The following FSTL4 variants were observed in gnomAD, a reference collection of about 807,000 sequenced individuals.
FSTL4 encodes the protein follistatin-related protein 4.
In FSTL4, 28 loss-of-function variants were observed where a neutral mutation model predicts 78.2. The observed-to-expected ratio is 0.36, with a 90% CI of 0.27 to 0.49. FSTL4 has a LOEUF of 0.49. Ranked by LOEUF, FSTL4 falls within the 20% of genes least tolerant of loss-of-function variation. FSTL4 has a pLI of 0.98. For missense variants in FSTL4, 922 were observed against 1,084.9 expected, an observed-to-expected ratio of 0.85 and a Z score of 2.11; for synonymous variants, 422 against 440.5, an observed-to-expected ratio of 0.96 and a Z score of 0.53.
Position 133,225,364 on chromosome 5 carries a change from T to G in FSTL4, c.1178-80A>C. 6 of 1,561,552 alleles carry G rather than the reference T, an allele frequency of 3.8e-6. No homozygotes were observed. The South Asian group carries it at 6.7e-5, about 17-fold the overall frequency. On this transcript the variant is annotated intron_variant, in intron 9 of 15. Coordinates refer to ENST00000265342, the MANE Select transcript of FSTL4 (RefSeq NM_015082.2). The surrounding 1 kb of genome is among the most constrained non-coding windows in gnomAD (Gnocchi z 4.6). ...TCCTTTATGGGGCCATTGAGAGTGTTAGGGCTGCCCAGCCCCTGGGCAGCC... is the reference window on the plus strand; with the variant it reads ...TCCTTTATGGGGCCATTGAGAGTGTGAGGGCTGCCCAGCCCCTGGGCAGCC...
At chr5:133,690,243 A>G in the FSTL4 span, among the ~76,000 whole-genome samples, 1 of 152,080 alleles carries the variant, frequency 6.6e-6, no homozygotes. Flanking sequence ...TAATAAGATC[A>G]GACATAGATC....
At chr5:133,438,045 G>T (rs1312726488) in intron 3 of FSTL4, among the ~76,000 whole-genome samples, 1 of 151,962 alleles carries the variant, frequency 6.6e-6, no homozygotes, top group Non-Finnish European at 1.5e-5. Flanking sequence ...GACTTGTTTG[G>T]AATCTCATGG....
At chr5:133,803,769 ACTGT>A in the FSTL4 span, among the ~76,000 whole-genome samples, 1 of 152,172 alleles carries the variant, frequency 6.6e-6, no homozygotes, top group African/African-American at 2.4e-5. Context: ...CTCATGCCAA[ACTGT>A]CTGTTGTCTA....
At chr5:133,629,113 A>C in the FSTL4 span, among the ~76,000 whole-genome samples, 1 of 150,866 alleles carries the variant, frequency 6.6e-6, no homozygotes, top group Admixed American at 6.6e-5. Context: ...TGGGTTTTTC[A>C]TAAATAGTTC....
chr5:133,760,199 G>A, the FSTL4 span, among the ~76,000 whole-genome samples: 699 of 152,318 alleles, frequency 4.6e-3, 5 homozygotes, highest in African/African-American at 0.016. Context: ...CACCAGAATG[G>A]CCAGCCTTGA....
the FSTL4 span, among the ~76,000 whole-genome samples, chr5:133,734,539 T>A: frequency 2.0e-5 from 3 of 152,336 alleles, no homozygotes; most frequent in East Asian, 5.8e-4. Flanking sequence ...AAAATTTTGA[T>A]GACTTAAAAT....
At chr5:133,496,101 C>T (rs1758362590) in intron 3 of FSTL4, among the ~76,000 whole-genome samples, 1 of 152,136 alleles carries the variant, frequency 6.6e-6, no homozygotes, top group Admixed American at 6.5e-5. Flanking sequence ...CCTGAGATTC[C>T]ATCCTCCGAT....
At chr5:133,238,336 G>T (rs1751722178) in intron 7 of FSTL4, among the ~76,000 whole-genome samples, 1 of 152,128 alleles carries the variant, frequency 6.6e-6, no homozygotes, top group East Asian at 1.9e-4. Context: ...AGGGAGCAAA[G>T]GGGGGGTCTC....
At chr5:133,649,950 G>C in the FSTL4 span, among the ~76,000 whole-genome samples, 253 of 152,182 alleles carry the variant, frequency 1.7e-3, no homozygotes, top group African/African-American at 6.0e-3. Context: ...GGTTTATTTG[G>C]CTCACAGTTC....
the FSTL4 span, among the ~76,000 whole-genome samples, chr5:133,815,386 C>G: frequency 6.6e-6 from 1 of 152,208 alleles, no homozygotes; most frequent in Non-Finnish European, 1.5e-5. Flanking sequence ...GAGGTCTGGA[C>G]AATGCCTCCT....
At chr5:133,773,699 T>C in the FSTL4 span, among the ~76,000 whole-genome samples, 6 of 152,192 alleles carry the variant, frequency 3.9e-5, no homozygotes, top group East Asian at 1.2e-3. Flanking sequence ...TTTTGTTTGT[T>C]CCCTTCATCC....
intron 3 of FSTL4, among the ~76,000 whole-genome samples, chr5:133,456,674 A>G (rs988182518): frequency 6.6e-6 from 1 of 151,602 alleles, no homozygotes; most frequent in Admixed American, 6.6e-5. Flanking sequence ...CACATCATAC[A>G]AAGTTGTACT....
chr5:133,563,872 C>A (rs1441878882), intron 3 of FSTL4, among the ~76,000 whole-genome samples: 2 of 152,146 alleles, frequency 1.3e-5, no homozygotes. Context: ...TCATCAACAA[C>A]AATGAAAACT....
At chr5:133,712,309 T>C in the FSTL4 span, among the ~76,000 whole-genome samples, 13 of 152,124 alleles carry the variant, frequency 8.5e-5, no homozygotes, top group African/African-American at 2.2e-4. Context: ...ATGGCAATTG[T>C]GGTGCTTTAT....
intron 6 of FSTL4, among the ~76,000 whole-genome samples, chr5:133,297,952 A>G (rs1753442980): frequency 6.6e-6 from 1 of 152,170 alleles, no homozygotes; most frequent in Non-Finnish European, 1.5e-5. Flanking sequence ...GGTACCTGCC[A>G]AGTTTGAGGC....
the FSTL4 span, among the ~76,000 whole-genome samples, chr5:133,810,105 A>G: frequency 6.6e-6 from 1 of 152,236 alleles, no homozygotes; most frequent in African/African-American, 2.4e-5. Flanking sequence ...CTCATTCTTG[A>G]CAGCAGGGAG....
chr5:133,249,186 C>G (rs1752133667), intron 7 of FSTL4, among the ~76,000 whole-genome samples: 1 of 152,234 alleles, frequency 6.6e-6, no homozygotes. Flanking sequence ...TCGCATCTCT[C>G]TTCTCTTCCT....
At chr5:133,546,943 C>A (rs1275470585) in intron 3 of FSTL4, among the ~76,000 whole-genome samples, 1 of 152,180 alleles carries the variant, frequency 6.6e-6, no homozygotes, top group African/African-American at 2.4e-5. Flanking sequence ...TTCCTCCCCC[C>A]AGATTTCAAA....
the FSTL4 span, among the ~76,000 whole-genome samples, chr5:133,744,191 C>T: frequency 3.3e-5 from 5 of 152,220 alleles, no homozygotes; most frequent in African/African-American, 1.2e-4. Context: ...GATTCATAAC[C>T]ATCATGATGA....
Sources: allele counts gnomAD v4.1 joint callset (sites outside exome capture counted in the v4.1 genomes callset), GRCh38; gene constraint gnomAD v4.1.1; non-coding constraint Gnocchi (gnomAD v3.1); transcripts MANE v1.5; gene names NCBI Gene and HGNC (gene_info 2026-07-23, HGNC 2026-07-21).